PPP1R8: variants seen among roughly 807,000 people sequenced by gnomAD.
The protein encoded by PPP1R8 is protein phosphatase 1 regulatory subunit 8.
Under a neutral mutation model 31.3 loss-of-function variants are expected in PPP1R8, and 4 were observed. The ratio of observed to expected loss-of-function variants is 0.13; its 90% confidence interval spans 0.06 to 0.29. PPP1R8 has a LOEUF of 0.29. Ranked by LOEUF, PPP1R8 falls within the 10% of genes least tolerant of loss-of-function variation. The pLI is 1.00. For synonymous variants in PPP1R8, 170 were observed against 169.7 expected (o/e 1.00, Z -0.01); for missense variants, 254 against 440.1 (o/e 0.58, Z 3.78).
chr1:27,846,959 A>G, intron 5 of PPP1R8, 69 bp from the exon 6 acceptor site: 1 of 1,271,528 alleles, frequency 7.9e-7, no homozygotes, highest in East Asian at 2.3e-5. Flanking sequence ...GTTTGTTTGC[A>G]GTGACTCCTG....
intron 5 of PPP1R8, among the ~76,000 whole-genome samples, chr1:27,846,272 A>G (rs1325294545): frequency 2.0e-5 from 3 of 152,162 alleles, no homozygotes; most frequent in South Asian, 2.1e-4. Context: ...TCAGTGAGAA[A>G]ACTCCACCAT....
At chr1:27,833,706 T>C (rs182914956) in intron 2 of PPP1R8, among the ~76,000 whole-genome samples, 1 of 152,346 alleles carries the variant, frequency 6.6e-6, no homozygotes, top group East Asian at 1.9e-4. Flanking sequence ...CATTATTGAA[T>C]GCAGTTTTTT....
At chr1:27,842,186 C>A (rs1056873444) in intron 4 of PPP1R8, among the ~76,000 whole-genome samples, 2 of 151,872 alleles carry the variant, frequency 1.3e-5, no homozygotes, top group Non-Finnish European at 2.9e-5. Flanking sequence ...ACTAAAAATA[C>A]AAAAAATTAG....
chr1:27,844,288 T>C (rs1053917315), intron 5 of PPP1R8, among the ~76,000 whole-genome samples: 3 of 151,858 alleles, frequency 2.0e-5, no homozygotes, highest in African/African-American at 7.3e-5. Context: ...CAGGCATGAG[T>C]CCCCATGCCT....
chr1:27,846,978 T>C, intron 5 of PPP1R8, 50 bp from the exon 6 acceptor site: 10 of 1,486,708 alleles, frequency 6.7e-6, no homozygotes, highest in Non-Finnish European at 9.4e-6. Flanking sequence ...TGTGCCCTTA[T>C]TCCTCCCAGT....
chr1:27,830,934 C>T, intron 1 of PPP1R8, 43 bp downstream of exon 1: 1 of 1,504,148 alleles, frequency 6.6e-7, no homozygotes, highest in Non-Finnish European at 8.9e-7. Context: ...CCGGCCGGAG[C>T]TAGCCTGGGC....
At chr1:27,848,246 C>T (rs1277928567) in intron 6 of PPP1R8, among the ~76,000 whole-genome samples, 2 of 151,194 alleles carry the variant, frequency 1.3e-5, no homozygotes, top group African/African-American at 4.9e-5. Flanking sequence ...ACTGAAAATA[C>T]AAAAAAAAAT....
intron 6 of PPP1R8, 41 bp from the exon 7 acceptor site, chr1:27,850,052 T>G (rs766706358): frequency 6.6e-7 from 1 of 1,505,506 alleles, no homozygotes; most frequent in Non-Finnish European, 8.9e-7. Context: ...CCTCTTGTCT[T>G]CTCTCTCCAA....
At chr1:27,846,172 C>T (rs886858929) in intron 5 of PPP1R8, among the ~76,000 whole-genome samples, 1 of 152,184 alleles carries the variant, frequency 6.6e-6, no homozygotes, top group Admixed American at 6.5e-5. Flanking sequence ...TTCTCTATCA[C>T]TATATTAAGT....
intron 5 of PPP1R8, among the ~76,000 whole-genome samples, chr1:27,843,717 T>A (rs1270669841): frequency 6.7e-6 from 1 of 150,174 alleles, no homozygotes; most frequent in Non-Finnish European, 1.5e-5. Flanking sequence ...CTTTGGAAGG[T>A]TGAAGTTGGT....
At chr1:27,846,970 T>G (rs2089287403) in intron 5 of PPP1R8, 58 bp from the exon 6 acceptor site, 3 of 1,395,464 alleles carry the variant, frequency 2.1e-6, no homozygotes. Flanking sequence ...GTGACTCCTG[T>G]GCCCTTATTC....
At chr1:27,849,942 A>G in intron 6 of PPP1R8, 151 bp from the exon 7 acceptor site, 1 of 680,210 alleles carries the variant, frequency 1.5e-6, no homozygotes, top group South Asian at 2.6e-5. Context: ...ATCATGAAAT[A>G]GGTTGTCTGG....
intron 6 of PPP1R8, among the ~76,000 whole-genome samples, 199 bp from the exon 7 acceptor site, chr1:27,849,894 A>G (rs1005465924): frequency 6.6e-6 from 1 of 152,262 alleles, no homozygotes; most frequent in African/African-American, 2.4e-5. Flanking sequence ...ACCATCGTAG[A>G]TGACTGGAAA....
chr1:27,831,363 G>C (rs576839167), intron 1 of PPP1R8: 1 of 988,318 alleles, frequency 1.0e-6, no homozygotes, highest in East Asian at 1.1e-4. Flanking sequence ...CAGAGAATAC[G>C]AGGGTAGGTT....
At chr1:27,836,766 T>C (rs2089170455) in intron 2 of PPP1R8, among the ~76,000 whole-genome samples, 1 of 152,122 alleles carries the variant, frequency 6.6e-6, no homozygotes, top group Non-Finnish European at 1.5e-5. Context: ...GCACGGTGGC[T>C]AACACCGGTA....
chr1:27,832,066 GT>G (rs954058297), intron 1 of PPP1R8, among the ~76,000 whole-genome samples: 2 of 152,190 alleles, frequency 1.3e-5, no homozygotes, highest in African/African-American at 4.8e-5. Flanking sequence ...AGAAAGCACT[GT>G]TTTTGAGATC....
At chr1:27,838,468 A>G (rs1183908823) in intron 2 of PPP1R8, among the ~76,000 whole-genome samples, 3 of 152,208 alleles carry the variant, frequency 2.0e-5, no homozygotes, top group Non-Finnish European at 4.4e-5. Flanking sequence ...CATTCTCCAA[A>G]AAATGTTATT....
At chr1:27,839,825 G>A (rs964185045) in intron 3 of PPP1R8, among the ~76,000 whole-genome samples, 26 of 152,206 alleles carry the variant, frequency 1.7e-4, no homozygotes, top group African/African-American at 6.0e-4. Context: ...TTGGGAGGCC[G>A]ATGTCAGTGA....
rs552728218 is a variant in PPP1R8 at position 27,838,080 on chromosome 1, G to A, written c.118-619G>A. On this transcript the variant is annotated intron_variant, in intron 2 of 6. Coordinates refer to ENST00000311772, the MANE Select transcript of PPP1R8 (RefSeq NM_014110.5). ...CAAAAAATTAGCCGGGCATGGTGGC[G>A]CGTGCCTGTAATCCCAGCTACTTGG... Among the ~76,000 whole-genome samples the A allele has an allele frequency of 5.5e-4, 83 of 151,896 alleles. No individual in the cohort carries two copies. In the East Asian group the frequency reaches 6.4e-3, roughly 12 times the overall value.
Sources: allele counts gnomAD v4.1 joint callset (sites outside exome capture counted in the v4.1 genomes callset), GRCh38; gene constraint gnomAD v4.1.1; transcripts MANE v1.5; gene names NCBI Gene and HGNC (gene_info 2026-07-23, HGNC 2026-07-21).